The following MYO1H variants were observed in gnomAD, a reference collection of about 807,000 sequenced individuals.
The protein encoded by MYO1H is unconventional myosin-Ih.
A neutral mutation model predicts 149.3 loss-of-function variants in MYO1H; 118 were observed. The ratio of observed to expected loss-of-function variants is 0.79; its 90% CI spans 0.68 to 0.92. The LOEUF is 0.92. Among genes scored for constraint, MYO1H ranks in the 40% least tolerant of loss-of-function variants. The pLI is 0.00. For missense variants in MYO1H, 1,212 were observed against 1,280.7 expected, an observed-to-expected ratio of 0.95 and a Z score of 0.82; for synonymous variants, 447 against 465.2, an observed-to-expected ratio of 0.96 and a Z score of 0.50.
At chr12:109,393,427 T>C (rs1356786321) in exon 3 of MYO1H, 1 of 1,581,846 alleles carries the variant, frequency 6.3e-7, no homozygotes, top group Non-Finnish European at 8.6e-7. Context: ...GGTCAATTTC[T>C]TTGAACTGCC....
At chr12:109,343,305 A>G (rs1407134726), upstream of MYO1H, among the ~76,000 whole-genome samples, 1 of 152,212 alleles carries the variant, frequency 6.6e-6, no homozygotes, top group Non-Finnish European at 1.5e-5. Flanking sequence ...AATTCTCCAG[A>G]TAAACTTCTG....
At chr12:109,371,242 G>A (rs866317614) in intron 1 of MYO1H, among the ~76,000 whole-genome samples, 50 of 140,990 alleles carry the variant, frequency 3.5e-4, no homozygotes, top group South Asian at 1.6e-3. Flanking sequence ...TTGAAATAGG[G>A]TCTCACTCTG....
intron 21 of MYO1H, among the ~76,000 whole-genome samples, chr12:109,436,212 A>G (rs1871850601): frequency 6.6e-6 from 1 of 152,138 alleles, no homozygotes; most frequent in Middle Eastern, 3.2e-3. Flanking sequence ...AATGCCTGAC[A>G]TGGAACTGGG....
chr12:109,441,981 A>G (rs1872151384), intron 26 of MYO1H, among the ~76,000 whole-genome samples: 1 of 152,184 alleles, frequency 6.6e-6, no homozygotes, highest in Non-Finnish European at 1.5e-5. Flanking sequence ...CAGGAGGCGG[A>G]GGACGCAGTG....
chr12:109,423,617 A>G (rs1383032606), intron 16 of MYO1H, among the ~76,000 whole-genome samples: 1 of 152,224 alleles, frequency 6.6e-6, no homozygotes, highest in Non-Finnish European at 1.5e-5. Flanking sequence ...GCCACTGGAA[A>G]TACTGTCTAC....
chr12:109,440,775 G>A lies in MYO1H; in HGVS notation c.2486G>A (p.Arg829Lys), dbSNP rs1483941083. ...GATCTGCTCAGGAAAATGTGCGTGA[G>A]GAACCTGGTGCAGAAGTACTGCCGC... Residue 829 changes from arginine to lysine, a missense_variant, in exon 25 of 32, where the codon AGG (arginine) becomes AAG (lysine). Coordinates refer to ENST00000310903, the Ensembl canonical transcript of MYO1H. The A allele has an allele frequency of 1.3e-6, 2 of 1,565,582 alleles. No individual in the cohort carries two copies. Among genetic ancestry groups the A allele is most frequent in the Admixed American group, 3.8e-5 (2 of 52,856 alleles).
intron 1 of MYO1H, among the ~76,000 whole-genome samples, chr12:109,368,149 C>T (rs185116661): frequency 2.8e-4 from 42 of 152,282 alleles, no homozygotes; most frequent in African/African-American, 9.6e-4. Context: ...CAGGAAGATG[C>T]CCATTACAAG....
intron 1 of MYO1H, among the ~76,000 whole-genome samples, chr12:109,351,297 C>G (rs910399113): frequency 2.6e-5 from 4 of 152,050 alleles, no homozygotes; most frequent in Non-Finnish European, 5.9e-5. Context: ...AACTCTTATG[C>G]CAGGTAAAAA....
chr12:109,316,586 TAA>T, the MYO1H span, among the ~76,000 whole-genome samples: 1 of 152,254 alleles, frequency 6.6e-6, no homozygotes, highest in South Asian at 2.1e-4. Flanking sequence ...AAATTATACT[TAA>T]AAATCATTTA....
At chr12:109,341,853 TGTAG>T in the MYO1H span, among the ~76,000 whole-genome samples, 1 of 152,292 alleles carries the variant, frequency 6.6e-6, no homozygotes, top group South Asian at 2.1e-4. Flanking sequence ...AAGTGTGATG[TGTAG>T]TCTGCTGGCT....
the MYO1H span, among the ~76,000 whole-genome samples, chr12:109,338,759 C>A: frequency 4.5e-5 from 5 of 111,978 alleles, no homozygotes; most frequent in African/African-American, 1.8e-4. Flanking sequence ...GAGCAAGACT[C>A]CATCTCAAAA....
In MYO1H at chr12:109,447,168, C is replaced by T. The variant is rs202148514; in HGVS notation, c.3103C>T (p.Arg1035Trp). Residue 1035 changes from arginine to tryptophan, a missense_variant, in exon 32 of 32, where the codon CGG (arginine) becomes TGG (tryptophan). By Grantham distance (101) the Arg-to-Trp change is moderately radical. Coordinates refer to ENST00000310903, the Ensembl canonical transcript of MYO1H. Reference sequence around the variant, plus strand: ...TGTGACTCTCTCCCAGGTGTCAGTCCGGAGGAAGTCCTGATAGAGGATGAC... The same window carrying T: ...TGTGACTCTCTCCCAGGTGTCAGTCTGGAGGAAGTCCTGATAGAGGATGAC... 1.1e-4 allele frequency: 175 copies of T among 1,599,004 alleles called. 1 individual carries two copies. The highest frequency in any genetic ancestry group is 4.7e-4 in the South Asian group (41 of 88,146).
chr12:109,436,370 A>G, intron 21 of MYO1H, 118 bp from the exon 22 acceptor site: 1 of 688,174 alleles, frequency 1.5e-6, no homozygotes, highest in Non-Finnish European at 2.6e-6. Context: ...CTGAAACATC[A>G]CTACACCACA....
chr12:109,416,504 A>G (rs1166888751), intron 15 of MYO1H, among the ~76,000 whole-genome samples: 1 of 151,990 alleles, frequency 6.6e-6, no homozygotes, highest in Non-Finnish European at 1.5e-5. Flanking sequence ...TTTATTGCCA[A>G]ATAATATCCC....
rs375838383 is a variant in MYO1H at position 109,431,400 on chromosome 12, CATAAAT to C, written c.1950-1492_1950-1487del. Among the ~76,000 whole-genome samples the C allele has an allele frequency of 2.4e-3, 360 of 152,032 alleles. 2 individuals are homozygous for C. Among genetic ancestry groups the C allele is most frequent in the African/African-American group, 8.3e-3 (344 of 41,486 alleles). On this transcript the variant is annotated intron_variant, in intron 19 of 31. Coordinates refer to ENST00000310903, the Ensembl canonical transcript of MYO1H. ...GTCTCAAAAATAAATAAATAAATAA[CATAAAT>C]ATAATAAGAAAGGAAGGAGCATATT... is the stretch of plus-strand genomic sequence containing the variant.
chr12:109,382,100 A>C (rs1239342156), intron 1 of MYO1H, among the ~76,000 whole-genome samples: 5 of 152,236 alleles, frequency 3.3e-5, no homozygotes, highest in Non-Finnish European at 7.3e-5. Flanking sequence ...AACTCCTAAG[A>C]AAATGTGGAT....
chr12:109,399,416 A>G (rs981113629), intron 5 of MYO1H, among the ~76,000 whole-genome samples: 1 of 151,146 alleles, frequency 6.6e-6, no homozygotes, highest in African/African-American at 2.4e-5. Flanking sequence ...ACATGGTGAA[A>G]CCCTGTCTCT....
chr12:109,329,393 A>G, the MYO1H span, among the ~76,000 whole-genome samples: 4 of 152,098 alleles, frequency 2.6e-5, no homozygotes, highest in Non-Finnish European at 5.9e-5. Context: ...ATTCTGCTGA[A>G]CCTTGCCTTA....
the MYO1H span, among the ~76,000 whole-genome samples, chr12:109,339,109 A>G: frequency 6.6e-6 from 1 of 152,168 alleles, no homozygotes; most frequent in African/African-American, 2.4e-5. Flanking sequence ...TCATGCCTGT[A>G]ATCCCAGCAC....
Sources: allele counts gnomAD v4.1 joint callset (sites outside exome capture counted in the v4.1 genomes callset), GRCh38; gene constraint gnomAD v4.1.1; transcripts MANE v1.5; gene names NCBI Gene and HGNC (gene_info 2026-07-23, HGNC 2026-07-21).